Variants in KCNC1 observed in about 807,000 individuals in gnomAD.
KCNC1 encodes voltage-gated potassium channel KCNC1.
Under a neutral mutation model 43.4 loss-of-function variants are expected in KCNC1, and 8 were observed. The observed-to-expected ratio is 0.18, with a 90% CI of 0.11 to 0.33. The LOEUF is 0.33. Ranked by LOEUF, KCNC1 falls within the 10% of genes least tolerant of loss-of-function variation. The pLI is 1.00. For missense variants in KCNC1, 420 were observed against 836.0 expected (o/e 0.50, Z 6.14); for synonymous variants, 361 against 360.5 (o/e 1.00, Z -0.01).
intron 1 of KCNC1, among the ~76,000 whole-genome samples, chr11:17,766,991 G>A (rs770826642): frequency 2.1e-5 from 3 of 144,352 alleles, no homozygotes; most frequent in Non-Finnish European, 1.5e-5. Context: ...AAAATTAGCC[G>A]GGCGTGGTGG....
chr11:17,754,481 C>A (rs1248036616), intron 1 of KCNC1, among the ~76,000 whole-genome samples: 1 of 152,214 alleles, frequency 6.6e-6, no homozygotes, highest in Admixed American at 6.5e-5. Context: ...CAAGGGGCAG[C>A]AAGCACCAGC....
intron 1 of KCNC1, among the ~76,000 whole-genome samples, chr11:17,745,122 G>A (rs571975068): frequency 2.5e-4 from 38 of 152,268 alleles, no homozygotes; most frequent in Admixed American, 1.8e-3. Flanking sequence ...ATTCATGCAC[G>A]GTGGAGTCTG....
At chr11:17,744,384 C>G (rs1448064939) in intron 1 of KCNC1, among the ~76,000 whole-genome samples, 1 of 152,198 alleles carries the variant, frequency 6.6e-6, no homozygotes, top group Non-Finnish European at 1.5e-5. Context: ...AGGAGCCCAG[C>G]AGGAAGGGGT....
intron 1 of KCNC1, among the ~76,000 whole-genome samples, chr11:17,741,688 C>T (rs1320371764): frequency 6.6e-6 from 1 of 152,252 alleles, no homozygotes; most frequent in Non-Finnish European, 1.5e-5. Flanking sequence ...GTGGCCCATA[C>T]TGTGGCCTCT....
intron 1 of KCNC1, among the ~76,000 whole-genome samples, chr11:17,752,054 G>T (rs571434463): frequency 1.3e-5 from 2 of 152,262 alleles, no homozygotes; most frequent in South Asian, 2.1e-4. Flanking sequence ...TCTTCCCACC[G>T]CTTTTTGCTA....
chr11:17,770,960 CCTCCAAGGACAGGGAACTCA>C (rs1341052228), intron 1 of KCNC1, among the ~76,000 whole-genome samples: 1 of 152,146 alleles, frequency 6.6e-6, no homozygotes, highest in Non-Finnish European at 1.5e-5. Context: ...TATTTGAGTA[CCTCCAAGGACAGGGAACTCA>C]TTACCATGTT....
chr11:17,763,232 G>T (rs936718556), intron 1 of KCNC1, among the ~76,000 whole-genome samples: 1 of 152,012 alleles, frequency 6.6e-6, no homozygotes, highest in African/African-American at 2.4e-5. Context: ...AAGTGTCACT[G>T]TGGAGATGCA....
chr11:17,774,695 A>T, intron 2 of KCNC1: 1 of 985,390 alleles, frequency 1.0e-6, no homozygotes, highest in Non-Finnish European at 1.2e-6. Flanking sequence ...GGGCCCAGAC[A>T]GTTCTGGCTT....
At chr11:17,750,163 G>C (rs376818864) in intron 1 of KCNC1, among the ~76,000 whole-genome samples, 1 of 152,226 alleles carries the variant, frequency 6.6e-6, no homozygotes, top group Admixed American at 6.5e-5. Flanking sequence ...ACAGGCTGTG[G>C]TGGGTCTCAG....
At position 17,771,119 on chromosome 11, in the gene KCNC1, G is replaced by T. The variant is rs1418653447; in HGVS notation, c.571-546G>T. Among the ~76,000 whole-genome samples the T allele has an allele frequency of 1.3e-5, 2 of 152,138 alleles. No individual in the cohort carries two copies. Among genetic ancestry groups the T allele is most frequent in the African/African-American group, 4.8e-5 (2 of 41,444 alleles). ...ACCTGAAAGAGACCACATGAGGGAG[G>T]TACAGACCCATGGAAAAGAGCAAAG... On this transcript the variant is annotated intron_variant, in intron 1 of 3. Coordinates refer to ENST00000265969, the MANE Select transcript of KCNC1 (RefSeq NM_001112741.2). The surrounding 1 kb of genome is among the most constrained non-coding windows in gnomAD (Gnocchi z 4.7).
rs563324390 is a variant in KCNC1 at position 17,779,146 on chromosome 11, T to C, written c.1505-310T>C. On this transcript the variant is annotated intron_variant, in intron 2 of 3. Coordinates refer to ENST00000265969, the MANE Select transcript of KCNC1 (RefSeq NM_001112741.2). The surrounding 1 kb of genome is among the most constrained non-coding windows in gnomAD (Gnocchi z 7.2). ...CACCATCCTGTTTCATCGGCCCTGC[T>C]TGGGGCCCGGGGCCGGCCCCCAGCA... The C allele has an allele frequency of 5.2e-5, 14 of 268,094 alleles. No homozygotes were observed. Among genetic ancestry groups the C allele is most frequent in the East Asian group, 7.4e-5 (1 of 13,458 alleles). The allele number at this position is 268,094 out of a possible 1,614,324, so 16.6% of individuals were successfully genotyped here.
Position 17,781,499 on chromosome 11 carries a change from C to T in KCNC1, c.1694-171C>T, listed in dbSNP as rs916258334. On this transcript the variant is annotated intron_variant, in intron 3 of 3. Coordinates refer to ENST00000265969, the MANE Select transcript of KCNC1 (RefSeq NM_001112741.2). The surrounding 1 kb of genome is among the most constrained non-coding windows in gnomAD (Gnocchi z 5.1). ...TTCCCCCAGGAGGGAGAGAAAGAGG[C>T]GTGCTAGGCTGGCTCAGTGCATGGG... 6.9e-6 allele frequency: 4 copies of T among 581,932 alleles called. No homozygotes were observed. The highest frequency in any genetic ancestry group is 1.2e-5 in the Non-Finnish European group (4 of 326,672). The allele number at this position is 581,932 out of a possible 1,614,324, so 36.0% of individuals were successfully genotyped here. A position where few individuals can be genotyped will look rare whatever the true frequency, so the allele number is the denominator to read the frequency against.
chr11:17,760,579 A>G (rs1164724648), intron 1 of KCNC1, among the ~76,000 whole-genome samples: 1 of 152,090 alleles, frequency 6.6e-6, no homozygotes, highest in Non-Finnish European at 1.5e-5. Flanking sequence ...GGGACAGCAC[A>G]CCACACTCCC....
At chr11:17,759,706 T>A (rs1849057212) in intron 1 of KCNC1, among the ~76,000 whole-genome samples, 1 of 152,162 alleles carries the variant, frequency 6.6e-6, no homozygotes, top group African/African-American at 2.4e-5. Flanking sequence ...AGAACTCAGA[T>A]AACATTTATC....
intron 1 of KCNC1, among the ~76,000 whole-genome samples, chr11:17,754,862 C>T (rs1049964254): frequency 2.6e-5 from 4 of 152,188 alleles, no homozygotes; most frequent in East Asian, 1.9e-4. Context: ...ATCCTGCTGC[C>T]ACTTCTGAGT....
intron 1 of KCNC1, among the ~76,000 whole-genome samples, chr11:17,770,668 C>T (rs1039432714): frequency 2.6e-5 from 4 of 152,152 alleles, no homozygotes; most frequent in Admixed American, 6.5e-5. Context: ...AACCTTTTTG[C>T]TGGGGGCTCA....
At chr11:17,774,921 G>A (rs1849268361) in intron 2 of KCNC1, 1 of 985,428 alleles carries the variant, frequency 1.0e-6, no homozygotes, top group Non-Finnish European at 1.2e-6. Flanking sequence ...TCCAAAAGCT[G>A]GCGTGTGAGA....
rs1432023390 is a variant in KCNC1 at position 17,742,039 on chromosome 11, G to A, written c.570+5467G>A. Among the ~76,000 whole-genome samples, 1 of 152,128 alleles carries A rather than the reference G, an allele frequency of 6.6e-6. No homozygotes were observed. Among genetic ancestry groups the A allele is most frequent in the Non-Finnish European group, 1.5e-5 (1 of 67,994 alleles). ...TTTGGGCTCATCTCTCCTCTAGACTGTAAGCCTCTGGCATGCTCTATAGAA... is the reference window on the plus strand; with the variant it reads ...TTTGGGCTCATCTCTCCTCTAGACTATAAGCCTCTGGCATGCTCTATAGAA... On this transcript the variant is annotated intron_variant, in intron 1 of 3. Transcript: ENST00000265969. The surrounding 1 kb of genome is among the most constrained non-coding windows in gnomAD (Gnocchi z 4.2).
chr11:17,766,740 T>G (rs1849154739), intron 1 of KCNC1, among the ~76,000 whole-genome samples: 1 of 152,158 alleles, frequency 6.6e-6, no homozygotes, highest in African/African-American at 2.4e-5. Context: ...GATTCTGAGC[T>G]GTGCCTGTTA....
Sources: allele counts gnomAD v4.1 joint callset (sites outside exome capture counted in the v4.1 genomes callset), GRCh38; gene constraint gnomAD v4.1.1; non-coding constraint Gnocchi (gnomAD v3.1); transcripts MANE v1.5; gene names NCBI Gene and HGNC (gene_info 2026-07-23, HGNC 2026-07-21).